VAV3: variants seen among roughly 807,000 people sequenced by gnomAD.
VAV3 encodes guanine nucleotide exchange factor VAV3.
VAV3 carries 94 observed loss-of-function variants against 131.2 expected under a neutral mutation model. That is an observed-to-expected ratio of 0.72 (90% CI 0.61 to 0.85). VAV3 has a LOEUF of 0.85. VAV3 is among the 40% of genes least tolerant of loss of function. The pLI, the probability that VAV3 is intolerant of heterozygous loss-of-function variation, is 0.00. For missense variants in VAV3, 939 were observed against 1,002.7 expected, an observed-to-expected ratio of 0.94 and a Z score of 0.86; for synonymous variants, 349 against 342.0, an observed-to-expected ratio of 1.02 and a Z score of -0.22.
chr1:107,881,302 TTGAC>T (rs756148361), intron 1 of VAV3, among the ~76,000 whole-genome samples: 5 of 152,136 alleles, frequency 3.3e-5, no homozygotes, highest in African/African-American at 2.4e-5. Context: ...TGGTAATTGA[TTGAC>T]TGTGTGTGGG....
chr1:107,761,112 G>A lies in VAV3; in HGVS notation c.922-233C>T, dbSNP rs201457734. Among the ~76,000 whole-genome samples the A allele has an allele frequency of 2.2e-4, 33 of 152,194 alleles. No homozygotes were observed. The East Asian group carries it at 2.9e-3, about 13-fold the overall frequency. ...GTGTATGAAAATTATTTTCTTGGCC[G>A]GGCGCGGTGGCTCACGCCTGTAATC... is the stretch of plus-strand genomic sequence containing the variant. On this transcript the variant is annotated intron_variant, in intron 9 of 26. Transcript: ENST00000370056.
intron 2 of VAV3, among the ~76,000 whole-genome samples, chr1:107,816,254 G>A (rs1018484948): frequency 1.3e-5 from 2 of 152,162 alleles, no homozygotes; most frequent in African/African-American, 4.8e-5. Flanking sequence ...CTTGAAAATT[G>A]AGTACTTGGA....
chr1:107,793,002 T>G (rs955485847), intron 2 of VAV3, among the ~76,000 whole-genome samples: 2 of 152,100 alleles, frequency 1.3e-5, no homozygotes, highest in Non-Finnish European at 2.9e-5. Flanking sequence ...TATTTAAAAT[T>G]TACCTCACCC....
At chr1:107,842,754 T>C (rs1668782638) in intron 2 of VAV3, among the ~76,000 whole-genome samples, 1 of 152,104 alleles carries the variant, frequency 6.6e-6, no homozygotes, top group South Asian at 2.1e-4. Context: ...CTCTATCATA[T>C]GTAGGATATT....
At position 107,760,874 on chromosome 1, in the gene VAV3, A is replaced by ACTTT; in HGVS notation, c.926_927insAAAG (p.Cys309Ter). On this transcript the variant is annotated stop_gained and frameshift_variant, in exon 10 of 27. Transcript: ENST00000370056. LOFTEE classifies it high-confidence loss of function. ...ATTTCCCATTATTTGCTCTTTTGGA[A>ACTTT]CATTCCTAATGAAATGTTTTAAAAA... The ACTTT allele has an allele frequency of 6.2e-7, 1 of 1,612,914 alleles. No homozygotes were observed. Among genetic ancestry groups the ACTTT allele is most frequent in the East Asian group, 2.2e-5 (1 of 44,814 alleles).
chr1:107,656,330 G>A (rs906085283), intron 19 of VAV3, among the ~76,000 whole-genome samples: 1 of 152,138 alleles, frequency 6.6e-6, no homozygotes, highest in African/African-American at 2.4e-5. Context: ...AGTGGAACTG[G>A]AGGTTATTAT....
intron 5 of VAV3, among the ~76,000 whole-genome samples, chr1:107,771,150 C>CT (rs1665020794): frequency 6.6e-6 from 1 of 151,896 alleles, no homozygotes; most frequent in Admixed American, 6.6e-5. Context: ...TACTGCTTGA[C>CT]TTTTTAACTA....
At chr1:107,923,474 C>T (rs1017880793) in intron 1 of VAV3, among the ~76,000 whole-genome samples, 2 of 151,830 alleles carry the variant, frequency 1.3e-5, no homozygotes, top group Non-Finnish European at 2.9e-5. Context: ...TGTATTAGTC[C>T]GTTCTCACAC....
chr1:107,674,634 G>C (rs1658063014), intron 19 of VAV3, among the ~76,000 whole-genome samples: 3 of 152,134 alleles, frequency 2.0e-5, no homozygotes, highest in African/African-American at 7.2e-5. Flanking sequence ...AATTAAGTTT[G>C]GCACCCACCA....
intron 15 of VAV3, among the ~76,000 whole-genome samples, chr1:107,734,374 G>A (rs1320988679): frequency 2.0e-5 from 3 of 152,138 alleles, no homozygotes; most frequent in Non-Finnish European, 2.9e-5. Context: ...AACCTTAAAT[G>A]TAAATGGCCT....
intron 2 of VAV3, among the ~76,000 whole-genome samples, chr1:107,821,465 T>C (rs1367114800): frequency 1.3e-5 from 2 of 152,168 alleles, no homozygotes; most frequent in Non-Finnish European, 2.9e-5. Flanking sequence ...AAACGTGTCA[T>C]TTACACTGTG....
intron 15 of VAV3, among the ~76,000 whole-genome samples, chr1:107,725,391 C>G (rs1037128541): frequency 1.5e-4 from 23 of 152,052 alleles, no homozygotes; most frequent in African/African-American, 5.6e-4. Context: ...ATGGTGATAA[C>G]AAGTGGAAAT....
chr1:107,918,559 T>C (rs983491221), intron 1 of VAV3, among the ~76,000 whole-genome samples: 1 of 152,082 alleles, frequency 6.6e-6, no homozygotes, highest in Non-Finnish European at 1.5e-5. Flanking sequence ...ACACATTCTA[T>C]TTCAGAAGCA....
intron 19 of VAV3, among the ~76,000 whole-genome samples, chr1:107,643,270 G>T (rs1367666031): frequency 6.6e-6 from 1 of 152,108 alleles, no homozygotes; most frequent in East Asian, 1.9e-4. Context: ...CAATACTTAA[G>T]ACATTCATAT....
chr1:107,619,288 G>A (rs1653396501), intron 20 of VAV3, among the ~76,000 whole-genome samples: 1 of 152,136 alleles, frequency 6.6e-6, no homozygotes, highest in African/African-American at 2.4e-5. Flanking sequence ...ACAGAAACTA[G>A]TGAAACAACA....
intron 1 of VAV3, among the ~76,000 whole-genome samples, chr1:107,879,266 C>G (rs1028343082): frequency 4.6e-5 from 7 of 152,186 alleles, no homozygotes; most frequent in African/African-American, 1.7e-4. Flanking sequence ...AACCACCATG[C>G]TGCTCCTAGA....
chr1:107,760,255 C>T (rs1357723008), intron 10 of VAV3, among the ~76,000 whole-genome samples: 2 of 152,116 alleles, frequency 1.3e-5, no homozygotes, highest in Non-Finnish European at 2.9e-5. Flanking sequence ...TTATAAGACT[C>T]TCCACCCTCA....
intron 1 of VAV3, among the ~76,000 whole-genome samples, chr1:107,922,964 G>GAAAAAAAAAAAAAAAAA (rs67666662): frequency 7.4e-6 from 1 of 134,590 alleles, no homozygotes; most frequent in Non-Finnish European, 1.6e-5. Context: ...AAAAAAAAAA[G>GAAAAAAAAAAAAAAAAA]AAAAAAAAAA....
intron 2 of VAV3, among the ~76,000 whole-genome samples, chr1:107,870,051 G>A (rs1476680096): frequency 1.3e-5 from 2 of 152,112 alleles, no homozygotes; most frequent in Admixed American, 6.6e-5. Context: ...GGGCATTTGG[G>A]CTGATTCCAC....
Sources: gnomAD v4.1 joint callset for allele counts (sites outside exome capture counted in the v4.1 genomes callset) on GRCh38, gnomAD v4.1.1 for gene constraint, MANE v1.5 for transcripts, NCBI Gene and HGNC (gene_info 2026-07-23, HGNC 2026-07-21) for gene names.